INTS6: variants seen among roughly 807,000 people sequenced by gnomAD.
INTS6 encodes integrator complex subunit 6.
A neutral mutation model predicts 104.9 loss-of-function variants in INTS6; 16 were observed. The observed-to-expected ratio is 0.15, with a 90% CI of 0.10 to 0.23. INTS6 has a LOEUF of 0.23. INTS6 is among the 10% of genes least tolerant of loss of function. INTS6 has a pLI of 1.00. For missense variants in INTS6, 584 were observed against 1,062.8 expected (o/e 0.55, Z 6.26); for synonymous variants, 324 against 358.7 (o/e 0.90, Z 1.09).
chr13:51,407,822 G>A, intron 4 of INTS6, among the ~76,000 whole-genome samples: 2 of 152,040 alleles, frequency 1.3e-5, no homozygotes, highest in Admixed American at 1.3e-4. Context: ...TTTGAGACCA[G>A]TCTGGCCAAC....
At chr13:51,395,578 T>TC in intron 4 of INTS6, 95 bp from the exon 5 acceptor site, 1 of 1,061,776 alleles carries the variant, frequency 9.4e-7, no homozygotes, top group South Asian at 1.8e-5. Flanking sequence ...CTGCATCAAC[T>TC]CTCCTATCAC....
rs894993180 is a variant in INTS6, at chr13:51,364,631, T to A, written c.*1121A>T. ...GGGTGGAGAATGAATAGCGTGGTTT[T>A]CCTTATCCTGTGAAACTCAGGGGGG... On this transcript the variant is annotated 3_prime_UTR_variant, in exon 18 of 18. Transcript: ENST00000311234. 5.5e-5 allele frequency: 10 copies of A among 182,810 alleles called. No homozygotes were observed. The highest frequency in any genetic ancestry group is 1.0e-4 in the Non-Finnish European group (9 of 88,884). 11.3% of individuals were successfully genotyped at this position (182,810 alleles called of 1,614,324 possible). A position where few individuals can be genotyped will look rare whatever the true frequency, so the allele number is the denominator to read the frequency against.
chr13:51,437,340 A>C (rs1952709775), intron 3 of INTS6: 1 of 152,190 alleles, frequency 6.6e-6, no homozygotes, highest in African/African-American at 2.4e-5. Context: ...TCTTGAACTC[A>C]GCACTGAACT....
rs144795186 is a variant in INTS6, at chr13:51,424,317, T to C, written c.429+5977A>G. 2.0e-5 allele frequency among the ~76,000 whole-genome samples: 3 copies of C among 152,132 alleles called. No individual in the cohort carries two copies. The East Asian group carries it at 5.8e-4, about 29-fold the overall frequency. On this transcript the variant is annotated intron_variant, in intron 4 of 17. Transcript: ENST00000311234. ...TGATCAACCAGCATTTCTTTTAAATTTCTCCATTGTTGTGTTTGCCTAGAA... is the reference window on the plus strand; with the variant it reads ...TGATCAACCAGCATTTCTTTTAAATCTCTCCATTGTTGTGTTTGCCTAGAA...
intron 3 of INTS6, chr13:51,445,457 A>G (rs1952893902): frequency 6.6e-6 from 1 of 152,240 alleles, no homozygotes; most frequent in South Asian, 2.1e-4. Context: ...AGAGGTAAAC[A>G]TACTAATCTT....
At chr13:51,450,552 G>A (rs1953017665) in intron 3 of INTS6, 1 of 985,342 alleles carries the variant, frequency 1.0e-6, no homozygotes, top group African/African-American at 1.7e-5. Context: ...CTGTACTCCA[G>A]TGAAAAACTT....
At chr13:51,403,288 C>A (rs1286571137) in intron 4 of INTS6, among the ~76,000 whole-genome samples, 3 of 152,132 alleles carry the variant, frequency 2.0e-5, no homozygotes, top group Non-Finnish European at 4.4e-5. Context: ...TGTACCAACA[C>A]AAGATTTCCC....
chr13:51,394,408 G>GA (rs532634990), intron 5 of INTS6, among the ~76,000 whole-genome samples: 102 of 152,086 alleles, frequency 6.7e-4, no homozygotes, highest in African/African-American at 2.4e-3. Flanking sequence ...TAGAATTTTA[G>GA]AAAAAATGCA....
chr13:51,447,778 G>A (rs995706827), intron 3 of INTS6: 3 of 151,278 alleles, frequency 2.0e-5, no homozygotes, highest in African/African-American at 7.3e-5. Flanking sequence ...AAAATATCGG[G>A]CCGGGTGCTG....
At chr13:51,381,707 T>TG (rs1462955599) in intron 10 of INTS6, among the ~76,000 whole-genome samples, 2 of 151,716 alleles carry the variant, frequency 1.3e-5, no homozygotes, top group East Asian at 3.9e-4. Context: ...TTTTGTTTTT[T>TG]TTTTTTTGGA....
intron 4 of INTS6, among the ~76,000 whole-genome samples, chr13:51,401,612 C>T (rs1956441872): frequency 6.6e-6 from 1 of 152,112 alleles, no homozygotes; most frequent in African/African-American, 2.4e-5. Flanking sequence ...ATAGTGGTTA[C>T]TATTAGAAGG....
chr13:51,396,935 T>C (rs1048038055), intron 4 of INTS6, among the ~76,000 whole-genome samples: 2 of 152,216 alleles, frequency 1.3e-5, no homozygotes, highest in Admixed American at 6.5e-5. Flanking sequence ...AGTGTGATAA[T>C]GGTATTTAAG....
At chr13:51,440,424 T>C (rs1045080007) in intron 3 of INTS6, 29 of 152,182 alleles carry the variant, frequency 1.9e-4, no homozygotes, top group South Asian at 1.5e-3. Flanking sequence ...AAGGTTAATT[T>C]ATTATTGGAG....
the INTS6 span, chr13:51,344,143 C>G: frequency 3.9e-5 from 30 of 763,656 alleles, no homozygotes; most frequent in African/African-American, 4.6e-4. Flanking sequence ...ACCTTATGAG[C>G]AAGAGTGGAG....
At chr13:51,341,452 C>A in the INTS6 span, 2 of 1,128,240 alleles carry the variant, frequency 1.8e-6, no homozygotes, top group Non-Finnish European at 2.5e-6. Context: ...CTCCAGCTTA[C>A]CCTGCTGCTC....
At chr13:51,418,249 T>G (rs1034319031) in intron 4 of INTS6, among the ~76,000 whole-genome samples, 6 of 152,220 alleles carry the variant, frequency 3.9e-5, no homozygotes, top group African/African-American at 1.4e-4. Context: ...TGAATGAAAT[T>G]AACCATTTTC....
chr13:51,356,117 G>A (rs1192520301), intron 3 of INTS6, among the ~76,000 whole-genome samples: 1 of 152,162 alleles, frequency 6.6e-6, no homozygotes, highest in Non-Finnish European at 1.5e-5. Context: ...ACACAGGAGT[G>A]AGAATCTATT....
intron 4 of INTS6, among the ~76,000 whole-genome samples, chr13:51,422,624 C>T (rs1468168440): frequency 6.6e-6 from 1 of 152,158 alleles, no homozygotes; most frequent in East Asian, 1.9e-4. Context: ...TCCCATCTTA[C>T]CACCCTCCAG....
intron 3 of INTS6, chr13:51,450,553 T>C: frequency 1.0e-6 from 1 of 985,506 alleles, no homozygotes; most frequent in African/African-American, 1.7e-5. Flanking sequence ...TGTACTCCAG[T>C]GAAAAACTTC....
Sources: allele counts gnomAD v4.1 joint callset (sites outside exome capture counted in the v4.1 genomes callset), GRCh38; gene constraint gnomAD v4.1.1; transcripts MANE v1.5; gene names NCBI Gene and HGNC (gene_info 2026-07-23, HGNC 2026-07-21).